Variants in CCNY observed in about 807,000 individuals in gnomAD.
CCNY encodes the protein cyclin-Y.
Under a neutral mutation model 42.8 loss-of-function variants are expected in CCNY, and 19 were observed. The ratio of observed to expected loss-of-function variants is 0.44; its 90% confidence interval spans 0.31 to 0.65. The LOEUF is 0.65. CCNY is among the 30% of genes least tolerant of loss of function. The pLI, the probability that CCNY is intolerant of heterozygous loss-of-function variation, is 0.07. For synonymous variants in CCNY, 165 were observed against 162.7 expected (o/e 1.01, Z -0.11); for missense variants, 370 against 437.3 (o/e 0.85, Z 1.37).
At chr10:35,464,397 T>G (rs149337935) in intron 1 of CCNY, among the ~76,000 whole-genome samples, 1 of 152,286 alleles carries the variant, frequency 6.6e-6, no homozygotes, top group East Asian at 1.9e-4. Context: ...GCTCATTTTT[T>G]TCACCAGCGT....
chr10:35,554,376 T>C (rs1466047506), intron 8 of CCNY, among the ~76,000 whole-genome samples: 1 of 152,226 alleles, frequency 6.6e-6, no homozygotes, highest in Non-Finnish European at 1.5e-5. Flanking sequence ...CTTTAGTTCT[T>C]TATTACATAA....
chr10:35,334,801 T>C (rs1006007160), upstream of CCNY, among the ~76,000 whole-genome samples: 1 of 152,140 alleles, frequency 6.6e-6, no homozygotes, highest in Admixed American at 6.5e-5. Flanking sequence ...AATGGCTAGA[T>C]GTAGAGAATT....
intron 8 of CCNY, among the ~76,000 whole-genome samples, chr10:35,554,181 G>C (rs1841317056): frequency 6.6e-6 from 1 of 152,108 alleles, no homozygotes; most frequent in Non-Finnish European, 1.5e-5. Flanking sequence ...GTGTCCCTGG[G>C]CTGCAGACTC....
At chr10:35,463,378 G>T (rs1412782000) in intron 1 of CCNY, among the ~76,000 whole-genome samples, 1 of 152,198 alleles carries the variant, frequency 6.6e-6, no homozygotes, top group Non-Finnish European at 1.5e-5. Context: ...TGTTACCTCA[G>T]TAACAATGGA....
chr10:35,274,532 T>C (rs1835215023), intron 3 of CCNY, among the ~76,000 whole-genome samples: 1 of 152,188 alleles, frequency 6.6e-6, no homozygotes, highest in Non-Finnish European at 1.5e-5. Flanking sequence ...ACCCTGCAAA[T>C]GGCATATGTT....
At chr10:35,501,421 C>A in intron 2 of CCNY, 80 bp from the exon 3 acceptor site, 1 of 1,207,290 alleles carries the variant, frequency 8.3e-7, no homozygotes, top group Non-Finnish European at 1.2e-6. Flanking sequence ...GACCACGACA[C>A]AGAGGCCCAG....
At chr10:35,323,175 C>A (rs375414501) in intron 3 of CCNY, among the ~76,000 whole-genome samples, 2 of 152,070 alleles carry the variant, frequency 1.3e-5, no homozygotes, top group Admixed American at 1.3e-4. Flanking sequence ...GTGATCTGCC[C>A]GCCTCGGCCT....
chr10:35,490,467 G>A (rs1461393236), intron 2 of CCNY, among the ~76,000 whole-genome samples: 3 of 152,210 alleles, frequency 2.0e-5, no homozygotes, highest in African/African-American at 2.4e-5. Context: ...CCAGACAGGC[G>A]CAGGGGAGTG....
chr10:35,447,509 T>G (rs1838819536), intron 1 of CCNY, among the ~76,000 whole-genome samples: 1 of 152,158 alleles, frequency 6.6e-6, no homozygotes, highest in Admixed American at 6.5e-5. Flanking sequence ...CTCTGTCATT[T>G]CTCACACTTC....
chr10:35,292,977 A>G (rs75175377), intron 3 of CCNY, among the ~76,000 whole-genome samples: 2 of 146,630 alleles, frequency 1.4e-5, no homozygotes, highest in East Asian at 2.1e-4. Flanking sequence ...ACAGGGTTTC[A>G]CCATGTTGGC....
chr10:35,353,992 C>CT (rs1204524000), intron 1 of CCNY, among the ~76,000 whole-genome samples: 1 of 152,104 alleles, frequency 6.6e-6, no homozygotes, highest in African/African-American at 2.4e-5. Flanking sequence ...CATGGCTCAA[C>CT]TAGGGGAACT....
At chr10:35,434,986 A>AT (rs1838496894) in intron 1 of CCNY, among the ~76,000 whole-genome samples, 1 of 151,962 alleles carries the variant, frequency 6.6e-6, no homozygotes, top group Non-Finnish European at 1.5e-5. Context: ...GAGCGCTGTG[A>AT]GATGATGGAC....
intron 3 of CCNY, among the ~76,000 whole-genome samples, chr10:35,271,311 T>C (rs1433428934): frequency 6.6e-6 from 1 of 152,088 alleles, no homozygotes; most frequent in Admixed American, 6.6e-5. Context: ...CTGCAGTGGA[T>C]GGATTGCTGA....
At chr10:35,465,300 C>T (rs1564421681) in intron 1 of CCNY, among the ~76,000 whole-genome samples, 1 of 152,026 alleles carries the variant, frequency 6.6e-6, no homozygotes, top group Non-Finnish European at 1.5e-5. Context: ...TGCCTTTGTG[C>T]TGGGGTCCGA....
intron 1 of CCNY, among the ~76,000 whole-genome samples, chr10:35,343,546 C>A (rs1254664618): frequency 6.6e-6 from 1 of 151,870 alleles, no homozygotes; most frequent in Non-Finnish European, 1.5e-5. Flanking sequence ...CGTGCCACCA[C>A]GTCCGGCTAA....
chr10:35,319,049 A>T (rs1199123833), intron 3 of CCNY, among the ~76,000 whole-genome samples: 2 of 152,114 alleles, frequency 1.3e-5, no homozygotes, highest in African/African-American at 4.8e-5. Context: ...CGAAGCCTTG[A>T]CTGCCTGGGC....
chr10:35,492,958 C>T (rs1839929947), intron 2 of CCNY, among the ~76,000 whole-genome samples: 1 of 152,098 alleles, frequency 6.6e-6, no homozygotes, highest in Admixed American at 6.5e-5. Context: ...GGCCAGCTCT[C>T]CCCTCTCCCC....
intron 3 of CCNY, among the ~76,000 whole-genome samples, chr10:35,298,959 GT>G (rs1479389498): frequency 1.3e-5 from 2 of 152,120 alleles, no homozygotes; most frequent in Non-Finnish European, 2.9e-5. Flanking sequence ...ATGAGCATAT[GT>G]TTTCATTCTT....
chr10:35,249,961 G>A (rs1044322550), intron 2 of CCNY, among the ~76,000 whole-genome samples: 10 of 152,130 alleles, frequency 6.6e-5, no homozygotes, highest in Non-Finnish European at 1.2e-4. Context: ...TTGGGAGGCC[G>A]AGGCAGGTGC....
Sources: allele counts gnomAD v4.1 joint callset (sites outside exome capture counted in the v4.1 genomes callset), GRCh38; gene constraint gnomAD v4.1.1; transcripts MANE v1.5; gene names NCBI Gene and HGNC (gene_info 2026-07-23, HGNC 2026-07-21).